TTC3: variants seen among roughly 807,000 people sequenced by gnomAD.
The protein encoded by TTC3 is E3 ubiquitin-protein ligase TTC3.
TTC3 carries 180 observed loss-of-function variants against 249.6 expected under a neutral mutation model. The observed-to-expected ratio is 0.72, with a 90% confidence interval of 0.64 to 0.82. The LOEUF is 0.82. TTC3 is among the 40% of genes least tolerant of loss of function. The probability of loss-of-function intolerance (pLI) is 0.00; values close to 1 mark genes in which losing one functional copy is unlikely to be tolerated. For synonymous variants in TTC3, 717 were observed against 805.0 expected (o/e 0.89, Z 1.85); for missense variants, 2,061 against 2,398.4 (o/e 0.86, Z 2.94).
chr21:37,074,284 C>T (rs1438368033), intron 1 of TTC3, among the ~76,000 whole-genome samples: 2 of 152,192 alleles, frequency 1.3e-5, no homozygotes, highest in African/African-American at 4.8e-5. Context: ...GCAGTGTTGA[C>T]GCTGCCAGTG....
At chr21:37,147,676 A>T (rs1757646588) in intron 22 of TTC3, 73 bp downstream of exon 22, 3 of 1,520,482 alleles carry the variant, frequency 2.0e-6, no homozygotes, top group Admixed American at 4.8e-5. Context: ...ACAATCTGTA[A>T]TTGGAGGCAC....
intron 1 of TTC3, chr21:37,082,418 T>A: frequency 1.1e-6 from 1 of 879,808 alleles, no homozygotes; most frequent in Non-Finnish European, 1.4e-6. Context: ...AACTTCTGTT[T>A]GATCTTTGTG....
intron 10 of TTC3, among the ~76,000 whole-genome samples, chr21:37,102,041 TTTAC>T (rs68084341): frequency 0.45 from 68,251 of 150,982 alleles, 15,945 homozygotes; most frequent in Non-Finnish European, 0.52. Flanking sequence ...TGATTATCTT[TTTAC>T]TTATGTTTTA....
At chr21:37,166,197 T>C (rs1389386034) in exon 33 of TTC3, 3 of 1,614,176 alleles carry the variant, frequency 1.9e-6, no homozygotes, top group Non-Finnish European at 2.5e-6. Flanking sequence ...AGATTTGATA[T>C]CACCCAGACA....
chr21:37,080,671 T>C (rs1237657478), intron 1 of TTC3, among the ~76,000 whole-genome samples: 1 of 152,218 alleles, frequency 6.6e-6, no homozygotes, highest in Non-Finnish European at 1.5e-5. Context: ...TTAACATTTT[T>C]TTCCTAGTGG....
intron 39 of TTC3, among the ~76,000 whole-genome samples, chr21:37,190,440 T>G (rs1485872078): frequency 2.6e-5 from 4 of 152,124 alleles, no homozygotes; most frequent in South Asian, 4.1e-4. Context: ...GGCCCCTTCT[T>G]CATTTTCAAG....
intron 32 of TTC3, 79 bp from the exon 33 acceptor site, chr21:37,165,471 G>A (rs910586583): frequency 2.8e-6 from 3 of 1,076,096 alleles, no homozygotes; most frequent in Non-Finnish European, 4.1e-6. Context: ...TTTCCTTTGG[G>A]AGAATAAAAG....
At chr21:37,170,226 G>A (rs1160628658) in intron 34 of TTC3, among the ~76,000 whole-genome samples, 1 of 152,184 alleles carries the variant, frequency 6.6e-6, no homozygotes, top group Non-Finnish European at 1.5e-5. Context: ...TATGTGCAGT[G>A]TGAAACAGAT....
intron 1 of TTC3, among the ~76,000 whole-genome samples, chr21:37,076,113 T>C (rs2070829491): frequency 6.6e-6 from 1 of 152,230 alleles, no homozygotes; most frequent in Non-Finnish European, 1.5e-5. Flanking sequence ...TTTTTAAAAA[T>C]AATTTTATCA....
chr21:37,196,209 T>A lies in TTC3; in HGVS notation c.5579+173T>A, dbSNP rs536202595. ...TTTTGTAAATATAGAGATAAGTATT[T>A]TCAAATAAATTGGTGGGTTTTTTCT... On this transcript the variant is annotated intron_variant, in intron 42 of 45. Transcript: ENST00000355666. Among the ~76,000 whole-genome samples, 222 of 151,398 alleles carry A rather than the reference T, an allele frequency of 1.5e-3. 2 individuals carry two copies. Among genetic ancestry groups the A allele is most frequent in the African/African-American group, 5.0e-3 (204 of 41,196 alleles).
exon 33 of TTC3, chr21:37,166,047 C>A: frequency 6.2e-7 from 1 of 1,614,194 alleles, no homozygotes; most frequent in Non-Finnish European, 8.5e-7. Context: ...TCTTCTAATT[C>A]TCCTAAACCA....
intron 33 of TTC3, among the ~76,000 whole-genome samples, chr21:37,167,205 A>G (rs956840093): frequency 6.6e-6 from 1 of 152,202 alleles, no homozygotes; most frequent in Non-Finnish European, 1.5e-5. Context: ...AACAAGAGGG[A>G]TGTGTATGAG....
At chr21:37,162,035 G>C (rs758053354) in exon 31 of TTC3, 3 of 1,588,814 alleles carry the variant, frequency 1.9e-6, no homozygotes, top group Non-Finnish European at 2.6e-6. Context: ...TTCAAATAAT[G>C]AGATCATCAC....
exon 43 of TTC3, chr21:37,197,696 G>A (rs1288047289): frequency 6.2e-7 from 1 of 1,602,448 alleles, no homozygotes; most frequent in African/African-American, 1.4e-5. Context: ...AAAAGAAAAA[G>A]GTATTTTATC....
At chr21:37,082,644 CT>C (rs1283464253) in intron 1 of TTC3, 1 of 985,190 alleles carries the variant, frequency 1.0e-6, no homozygotes, top group African/African-American at 1.7e-5. Flanking sequence ...AGGTTTGTTG[CT>C]TTTGCGTGGA....
At chr21:37,164,271 G>A (rs2081049318) in intron 32 of TTC3, 56 bp downstream of exon 32, 1 of 1,401,670 alleles carries the variant, frequency 7.1e-7, no homozygotes, top group African/African-American at 1.5e-5. Flanking sequence ...GCCAATTAAA[G>A]ATCAGAAGTT....
chr21:37,186,091 GT>G (rs1486047414), intron 37 of TTC3: 1 of 156,652 alleles, frequency 6.4e-6, no homozygotes, highest in Non-Finnish European at 1.4e-5. Context: ...TTTCTTTTGT[GT>G]TACTTGGAAT....
chr21:37,148,727 C>T (rs758066789), intron 23 of TTC3, 80 bp downstream of exon 23: 1 of 839,818 alleles, frequency 1.2e-6, no homozygotes, highest in East Asian at 2.9e-5. Flanking sequence ...CCTTCCTGAA[C>T]ATTCTGCACA....
At chr21:37,090,154 T>G (rs1188255026) in intron 5 of TTC3, 79 bp from the exon 6 acceptor site, 1 of 1,079,362 alleles carries the variant, frequency 9.3e-7, no homozygotes. Flanking sequence ...GTTCCTAAAA[T>G]GTAGGCCATT....
Sources: gnomAD v4.1 joint callset for allele counts (sites outside exome capture counted in the v4.1 genomes callset) on GRCh38, gnomAD v4.1.1 for gene constraint, MANE v1.5 for transcripts, NCBI Gene and HGNC (gene_info 2026-07-23, HGNC 2026-07-21) for gene names.